The following WASF3 variants were observed in gnomAD, a reference collection of about 807,000 sequenced individuals.
WASF3 encodes actin-binding protein WASF3.
Under a neutral mutation model 46.6 loss-of-function variants are expected in WASF3, and 11 were observed. The observed-to-expected ratio is 0.24, with a 90% confidence interval of 0.15 to 0.39. WASF3 has a LOEUF of 0.39. Among genes scored for constraint, WASF3 ranks in the 10% least tolerant of loss-of-function variants. The probability of loss-of-function intolerance (pLI) is 1.00; values close to 1 mark genes in which losing one functional copy is unlikely to be tolerated. For missense variants in WASF3, 576 were observed against 669.8 expected (o/e 0.86, Z 1.55); for synonymous variants, 242 against 259.7 (o/e 0.93, Z 0.65).
intron 1 of WASF3, chr13:26,577,510 T>C: frequency 3.1e-6 from 4 of 1,280,138 alleles, no homozygotes; most frequent in Non-Finnish European, 4.5e-6. Flanking sequence ...CTCTCCATGA[T>C]GTCTTCGTTA....
chr13:26,572,566 G>C (rs59498131), intron 1 of WASF3, among the ~76,000 whole-genome samples: 226 of 152,142 alleles, frequency 1.5e-3, no homozygotes, highest in African/African-American at 5.1e-3. Flanking sequence ...TTGCATTCCT[G>C]GTATAAACTC....
rs770030483 is a variant in WASF3, at chr13:26,559,817, T to TCTTTC, written c.-109+1998_-109+1999insCTTTC. On this transcript the variant is annotated intron_variant, in intron 1 of 9. Coordinates refer to ENST00000335327, the MANE Select transcript of WASF3 (RefSeq NM_006646.6). Reference sequence around the variant, plus strand: ...CTTTCTTTCTTTCTTTCTTTTTTTTTTTTTTTTTTTTTTTTTTGAGACGGA... The same window carrying TCTTTC: ...CTTTCTTTCTTTCTTTCTTTTTTTTTCTTTCTTTTTTTTTTTTTTTTTGAGACGGA... 1.2e-3 allele frequency among the ~76,000 whole-genome samples: 121 copies of TCTTTC among 102,874 alleles called. 2 individuals are homozygous for TCTTTC. The highest frequency in any genetic ancestry group is 5.3e-3 in the South Asian group (13 of 2,446). The allele number at this position is 102,874 out of a possible 152,430, so 67.5% of individuals were successfully genotyped here.
chr13:26,541,279 G>T, the WASF3 span, among the ~76,000 whole-genome samples: 63 of 152,228 alleles, frequency 4.1e-4, 1 homozygote, highest in African/African-American at 1.4e-3. Flanking sequence ...GCCAAATCTC[G>T]AGGGCAGGGA....
intron 1 of WASF3, among the ~76,000 whole-genome samples, chr13:26,584,374 T>G (rs1305716421): frequency 1.3e-5 from 2 of 152,214 alleles, no homozygotes; most frequent in South Asian, 4.1e-4. Context: ...TGCTTATTTG[T>G]AAAGTAAAAA....
At chr13:26,614,952 CTGT>C (rs2308286) in intron 2 of WASF3, among the ~76,000 whole-genome samples, 127,541 of 151,266 alleles carry the variant, frequency 0.84, 53,799 homozygotes, top group East Asian at 0.9. Flanking sequence ...TGTGTTCAGA[CTGT>C]TGTTGTAGGT....
chr13:26,672,893 T>C (rs114423234), intron 6 of WASF3, among the ~76,000 whole-genome samples: 3,031 of 152,270 alleles, frequency 0.02, 104 homozygotes, highest in African/African-American at 0.069. Flanking sequence ...TTGCAGACTG[T>C]GCTGTTGTAA....
intron 1 of WASF3, among the ~76,000 whole-genome samples, chr13:26,566,915 G>A (rs1879483751): frequency 6.6e-6 from 1 of 152,194 alleles, no homozygotes; most frequent in African/African-American, 2.4e-5. Context: ...ATCATCCTCA[G>A]CTCTATGCTG....
intron 2 of WASF3, chr13:26,640,414 T>G (rs1476936704): frequency 2.6e-5 from 4 of 151,828 alleles, no homozygotes; most frequent in Non-Finnish European, 4.4e-5. Context: ...TTTTCTTTTT[T>G]TTTTTTTAAG....
chr13:26,612,371 A>T lies in WASF3; in HGVS notation c.-108-590A>T, dbSNP rs190908326. The stretch of plus-strand genomic sequence containing the variant: ...TACCTCATAGCTCTAGCACATTGGT[A>T]TACAACATTGATCAGTTTGCTCTGT... On this transcript the variant is annotated intron_variant, in intron 1 of 9. Transcript: ENST00000335327. 5.2e-3 allele frequency among the ~76,000 whole-genome samples: 795 copies of T among 152,326 alleles called. 4 individuals are homozygous for T. Among genetic ancestry groups the T allele is most frequent in the African/African-American group, 0.018 (759 of 41,572 alleles).
At chr13:26,592,980 T>C (rs184657665) in intron 1 of WASF3, among the ~76,000 whole-genome samples, 1,632 of 152,312 alleles carry the variant, frequency 0.011, 18 homozygotes, top group South Asian at 0.018. Flanking sequence ...CAGTCTAATA[T>C]TTTTATTTCA....
chr13:26,639,431 T>C (rs1203183295), intron 2 of WASF3, among the ~76,000 whole-genome samples: 2 of 152,192 alleles, frequency 1.3e-5, no homozygotes, highest in Non-Finnish European at 2.9e-5. Context: ...CAGCAAACAT[T>C]TTTTGAATAA....
intron 2 of WASF3, among the ~76,000 whole-genome samples, chr13:26,623,760 A>G (rs1005722424): frequency 1.3e-4 from 20 of 152,318 alleles, no homozygotes; most frequent in African/African-American, 3.1e-4. Context: ...TAACGTAGCA[A>G]TAACAGTCAT....
At chr13:26,674,385 T>C (rs1252665639) in intron 6 of WASF3, among the ~76,000 whole-genome samples, 1 of 152,204 alleles carries the variant, frequency 6.6e-6, no homozygotes, top group East Asian at 1.9e-4. Flanking sequence ...TGGAATCACA[T>C]TGAAATCTTC....
chr13:26,554,463 A>G (rs1266765897), upstream of WASF3, among the ~76,000 whole-genome samples: 1 of 152,176 alleles, frequency 6.6e-6, no homozygotes, highest in Non-Finnish European at 1.5e-5. Context: ...ATGATAAAGA[A>G]CTTTTAAAAA....
chr13:26,580,004 GATTT>G (rs1355235383), intron 1 of WASF3, among the ~76,000 whole-genome samples: 2 of 152,022 alleles, frequency 1.3e-5, no homozygotes, highest in Non-Finnish European at 2.9e-5. Flanking sequence ...ATTTTTTTGT[GATTT>G]ATTTATTATT....
intron 1 of WASF3, among the ~76,000 whole-genome samples, chr13:26,569,287 A>T (rs1879563181): frequency 1.3e-5 from 2 of 152,216 alleles, no homozygotes; most frequent in South Asian, 4.1e-4. Flanking sequence ...TGTTGTACCT[A>T]ATGGCAGAAT....
rs73168068 is a variant in WASF3, at chr13:26,658,476, A to G, written c.134-6552A>G. Among the ~76,000 whole-genome samples the G allele has an allele frequency of 8.9e-3, 1,356 of 152,310 alleles. 10 individuals carry two copies. Among genetic ancestry groups the G allele is most frequent in the Middle Eastern group, 0.02 (6 of 294 alleles). On this transcript the variant is annotated intron_variant, in intron 3 of 9. Transcript: ENST00000335327. ...CAGGCCCAGTCACTATGAGAACATGATATGTTAGATGCTTCTCTTGCAGAT... is the reference window on the plus strand; with the variant it reads ...CAGGCCCAGTCACTATGAGAACATGGTATGTTAGATGCTTCTCTTGCAGAT...
intron 1 of WASF3, among the ~76,000 whole-genome samples, chr13:26,598,856 C>G (rs1880556598): frequency 6.6e-6 from 1 of 152,152 alleles, no homozygotes; most frequent in African/African-American, 2.4e-5. Flanking sequence ...TTGCCCTGCT[C>G]TTTTTAATTT....
intron 1 of WASF3, among the ~76,000 whole-genome samples, chr13:26,599,851 A>G (rs1880595873): frequency 6.6e-6 from 1 of 152,226 alleles, no homozygotes; most frequent in Non-Finnish European, 1.5e-5. Context: ...AATGGAGGTT[A>G]CAGTCATCCC....
Sources: allele counts gnomAD v4.1 joint callset (sites outside exome capture counted in the v4.1 genomes callset), GRCh38; gene constraint gnomAD v4.1.1; transcripts MANE v1.5; gene names NCBI Gene and HGNC (gene_info 2026-07-23, HGNC 2026-07-21).